DGUOK: variants seen among roughly 807,000 people sequenced by gnomAD.
DGUOK encodes the protein deoxyguanosine kinase, mitochondrial.
A neutral mutation model predicts 36.6 loss-of-function variants in DGUOK; 30 were observed. That is an observed-to-expected ratio of 0.82 (90% CI 0.61 to 1.11). The LOEUF (loss-of-function observed/expected upper bound fraction) is 1.11, where lower values mean the gene tolerates loss of function less well. Among genes scored for constraint, DGUOK ranks in the 50% most tolerant of loss-of-function variants. DGUOK has a pLI of 0.00. For synonymous variants in DGUOK, 145 were observed against 126.3 expected (o/e 1.15, Z -0.99); for missense variants, 361 against 336.4 (o/e 1.07, Z -0.57).
chr2:73,950,126 G>A (rs1308667658), intron 3 of DGUOK, among the ~76,000 whole-genome samples: 7 of 152,160 alleles, frequency 4.6e-5, no homozygotes, highest in Non-Finnish European at 7.3e-5. Flanking sequence ...AGACTTAGAA[G>A]CCCTCAGTCC....
intron 1 of DGUOK, chr2:73,932,546 A>T (rs1333349691): frequency 2.8e-6 from 3 of 1,089,450 alleles, no homozygotes; most frequent in East Asian, 1.2e-4. Context: ...CCACACAGGG[A>T]ATGTATTAAA....
chr2:73,930,469 C>T (rs535615526), intron 1 of DGUOK, among the ~76,000 whole-genome samples: 46 of 152,296 alleles, frequency 3.0e-4, no homozygotes, highest in African/African-American at 1.1e-3. Context: ...TTGTACTGTA[C>T]TTTGAGAAAC....
At chr2:73,927,133 T>A in intron 1 of DGUOK, 81 bp downstream of exon 1, 1 of 1,585,470 alleles carries the variant, frequency 6.3e-7, no homozygotes, top group Admixed American at 1.7e-5. Context: ...GGGCCCGGAA[T>A]GGCCTGCGTC....
At chr2:73,954,822 C>T (rs1460411742) in intron 4 of DGUOK, among the ~76,000 whole-genome samples, 1 of 152,160 alleles carries the variant, frequency 6.6e-6, no homozygotes, top group Non-Finnish European at 1.5e-5. Context: ...GTTAAGAAGA[C>T]CAGTAAAGGG....
chr2:73,950,172 T>G lies in DGUOK; in HGVS notation c.444-413T>G, dbSNP rs976173910. 3.9e-5 allele frequency among the ~76,000 whole-genome samples: 4 copies of G among 103,410 alleles called. No individual in the cohort carries two copies. In the East Asian group the frequency reaches 1.1e-3, roughly 28 times the overall value. The allele number at this position is 103,410 out of a possible 152,430, so 67.8% of individuals were successfully genotyped here. On this transcript the variant is annotated intron_variant, in intron 3 of 6. Transcript: ENST00000264093. ...TTTAGTGGGTGGATTTATACTGGAT[T>G]CACTTGTTTATTTGTTTTGGGCCTT...
chr2:73,926,885 T>C lies in DGUOK; in HGVS notation c.-26T>C, dbSNP rs748637196. On this transcript the variant is annotated 5_prime_UTR_variant, in exon 1 of 7. Transcript: ENST00000264093. ...AGGGCGGAAGTGCTCTCGGCGGAAG[T>C]GATCGCTGTGTGAATCGTGGGTGGG... is the stretch of plus-strand genomic sequence containing the variant. 6.2e-6 allele frequency: 10 copies of C among 1,612,952 alleles called. No individual in the cohort carries two copies. The East Asian group carries it at 2.0e-4, about 32-fold the overall frequency.
At chr2:73,933,482 A>G (rs1173850282) in intron 1 of DGUOK, among the ~76,000 whole-genome samples, 3 of 152,182 alleles carry the variant, frequency 2.0e-5, no homozygotes, top group African/African-American at 7.2e-5. Context: ...CTTCACAGAG[A>G]AGGTGGCAGT....
intron 2 of DGUOK, among the ~76,000 whole-genome samples, chr2:73,942,598 C>T (rs548837930): frequency 1.1e-4 from 17 of 151,792 alleles, no homozygotes; most frequent in African/African-American, 3.6e-4. Flanking sequence ...TTTAATTTCT[C>T]ATTATTTTTT....
chr2:73,928,047 T>G (rs1377601385), intron 1 of DGUOK, among the ~76,000 whole-genome samples: 1 of 152,148 alleles, frequency 6.6e-6, no homozygotes, highest in African/African-American at 2.4e-5. Flanking sequence ...ATAAACAACA[T>G]AAATTAAGCA....
rs997749639 is a variant in DGUOK at position 73,931,993 on chromosome 2, C to T, written c.142+4941C>T. Reference sequence around the variant, plus strand: ...ATGAGGATGGGAATAAAGGAAGAGGCGGTCTGGGGAGGTTAGAGTGATATG... The same window carrying T: ...ATGAGGATGGGAATAAAGGAAGAGGTGGTCTGGGGAGGTTAGAGTGATATG... On this transcript the variant is annotated intron_variant, in intron 1 of 6. Coordinates refer to ENST00000264093, the MANE Select transcript of DGUOK (RefSeq NM_080916.3). 1.5e-4 allele frequency among the ~76,000 whole-genome samples: 23 copies of T among 152,050 alleles called. 1 individual carries two copies. The highest frequency in any genetic ancestry group is 5.9e-4 in the Admixed American group (9 of 15,272).
intron 2 of DGUOK, among the ~76,000 whole-genome samples, chr2:73,943,606 A>AG (rs1287603305): frequency 6.6e-6 from 1 of 151,580 alleles, no homozygotes; most frequent in Non-Finnish European, 1.5e-5. Flanking sequence ...GTACTGTTTG[A>AG]GGGGAATCAT....
At chr2:73,932,816 G>A (rs144979134) in intron 1 of DGUOK, 4,056 of 361,408 alleles carry the variant, frequency 0.011, 35 homozygotes, top group Middle Eastern at 0.02. Context: ...CATGACTTAC[G>A]AAGCCATATA....
chr2:73,932,314 CTG>C (rs887905385), intron 1 of DGUOK, among the ~76,000 whole-genome samples: 8 of 152,214 alleles, frequency 5.3e-5, no homozygotes, highest in Admixed American at 5.2e-4. Flanking sequence ...ACTGCCTCCT[CTG>C]TGGGCTGACA....
chr2:73,949,288 G>A (rs888667734), intron 3 of DGUOK, among the ~76,000 whole-genome samples: 2 of 152,130 alleles, frequency 1.3e-5, no homozygotes, highest in African/African-American at 2.4e-5. Context: ...CTAGTTATCT[G>A]TAAAGAACTC....
At chr2:73,955,174 A>G (rs1682994835) in intron 4 of DGUOK, among the ~76,000 whole-genome samples, 3 of 152,240 alleles carry the variant, frequency 2.0e-5, no homozygotes, top group Admixed American at 2.0e-4. Context: ...TTTGTCTGCA[A>G]GCAGTGAATG....
At chr2:73,943,325 T>C (rs115313892) in intron 2 of DGUOK, among the ~76,000 whole-genome samples, 1 of 32,022 alleles carries the variant, frequency 3.1e-5, no homozygotes, top group South Asian at 1.5e-3. Context: ...ACTTAAAAAT[T>C]TTTTTTTTTT....
chr2:73,950,543 C>T (rs1682632025), intron 3 of DGUOK, 42 bp from the exon 4 acceptor site: 2 of 1,610,162 alleles, frequency 1.2e-6, no homozygotes, highest in Non-Finnish European at 1.7e-6. Context: ...ATTCCATTTC[C>T]CATTCTCCTG....
intron 2 of DGUOK, among the ~76,000 whole-genome samples, chr2:73,943,706 A>G (rs927923990): frequency 1.3e-5 from 2 of 151,274 alleles, no homozygotes; most frequent in African/African-American, 4.9e-5. Context: ...CCAGAGTGCA[A>G]TGGCACGATC....
At chr2:73,957,058 C>T (rs1019911891) in intron 4 of DGUOK, 67 bp from the exon 5 acceptor site, 6 of 1,121,586 alleles carry the variant, frequency 5.3e-6, no homozygotes, top group Non-Finnish European at 6.8e-6. Flanking sequence ...CCTCAGAGCC[C>T]CCGAAGACTG....
Sources: allele counts gnomAD v4.1 joint callset (sites outside exome capture counted in the v4.1 genomes callset), GRCh38; gene constraint gnomAD v4.1.1; transcripts MANE v1.5; gene names NCBI Gene and HGNC (gene_info 2026-07-23, HGNC 2026-07-21).